ZNG1F: variants seen among roughly 807,000 people sequenced by gnomAD.
The protein encoded by ZNG1F is Zn regulated GTPase metalloprotein activator 1F.
chr9:41,131,750 T>G, the ZNG1F span: 1 of 354,032 alleles, frequency 2.8e-6, no homozygotes, highest in Admixed American at 7.1e-5. Context: ...ACAAACTTGA[T>G]CTTCTTTGAA....
chr9:41,137,271 T>C, the ZNG1F span, among the ~76,000 whole-genome samples: 2 of 149,650 alleles, frequency 1.3e-5, no homozygotes, highest in East Asian at 2.0e-4. Context: ...TCCATGTATC[T>C]GCATGGTTTT....
chr9:41,199,845 G>C, the ZNG1F span, among the ~76,000 whole-genome samples: 1 of 151,420 alleles, frequency 6.6e-6, no homozygotes. Context: ...AGCTGCCAAG[G>C]CTTGGGGCTT....
the ZNG1F span, among the ~76,000 whole-genome samples, chr9:41,196,753 TTA>T: frequency 2.8e-5 from 2 of 72,014 alleles, no homozygotes; most frequent in African/African-American, 6.6e-5. Context: ...TATATAGTAT[TTA>T]TATATAAATT....
At chr9:41,193,488 A>C in the ZNG1F span, among the ~76,000 whole-genome samples, 32 of 149,900 alleles carry the variant, frequency 2.1e-4, 1 homozygote, top group Non-Finnish European at 3.1e-4. Flanking sequence ...CAGGTCCCAA[A>C]ATAGACGAGT....
the ZNG1F span, among the ~76,000 whole-genome samples, chr9:41,166,435 T>TAATA: frequency 1.6e-5 from 1 of 62,080 alleles, no homozygotes; most frequent in Non-Finnish European, 3.7e-5. Flanking sequence ...TAATAATAAT[T>TAATA]ATTATTATAC....
chr9:41,185,598 G>A, the ZNG1F span, among the ~76,000 whole-genome samples: 9 of 149,816 alleles, frequency 6.0e-5, no homozygotes, highest in Admixed American at 2.0e-4. Context: ...ACTTTAACCC[G>A]GGAGACAGAG....
At chr9:41,157,221 G>A in the ZNG1F span, 1 of 146,894 alleles carries the variant, frequency 6.8e-6, no homozygotes, top group Non-Finnish European at 1.5e-5. Flanking sequence ...CAGCACTTTG[G>A]GAGGCCGAGG....
chr9:41,164,934 T>G, the ZNG1F span: 1 of 1,500,130 alleles, frequency 6.7e-7, no homozygotes, highest in Non-Finnish European at 9.1e-7. Flanking sequence ...AGGGCAACAA[T>G]CAGAGTAAAA....
At chr9:41,132,046 A>G in the ZNG1F span, 12 of 1,424,128 alleles carry the variant, frequency 8.4e-6, no homozygotes, top group Non-Finnish European at 1.1e-5. Context: ...AAAATTGAAG[A>G]AGAACAAAAG....
At chr9:41,155,190 CG>C in the ZNG1F span, among the ~76,000 whole-genome samples, 1 of 151,288 alleles carries the variant, frequency 6.6e-6, no homozygotes, top group Non-Finnish European at 1.5e-5. Context: ...AAAAAGTGGG[CG>C]AAGGACATGA....
the ZNG1F span, chr9:41,183,587 G>T: frequency 6.3e-7 from 1 of 1,591,596 alleles, no homozygotes; most frequent in East Asian, 2.3e-5. Flanking sequence ...AGAGGCAACC[G>T]TTTCTAAGTT....
chr9:41,183,529 T>A, the ZNG1F span: 1 of 1,536,190 alleles, frequency 6.5e-7, no homozygotes. Flanking sequence ...TAAACATTTC[T>A]AGTAAACCAT....
the ZNG1F span, among the ~76,000 whole-genome samples, chr9:41,139,965 A>T: frequency 1.3e-5 from 2 of 152,060 alleles, no homozygotes; most frequent in Admixed American, 1.3e-4. Context: ...TCAGAGGGAG[A>T]CGAAAATTGG....
chr9:41,131,419 G>GA, the ZNG1F span: 3 of 53,718 alleles, frequency 5.6e-5, no homozygotes, highest in African/African-American at 1.9e-4. Flanking sequence ...GAAGTTCTAA[G>GA]AAAAAATGAC....
At chr9:41,195,642 C>G in the ZNG1F span, among the ~76,000 whole-genome samples, 8 of 118,918 alleles carry the variant, frequency 6.7e-5, no homozygotes, top group Non-Finnish European at 1.4e-4. Context: ...CTCAAGCTGA[C>G]AAGTTGAGTG....
chr9:41,157,417 T>C, the ZNG1F span: 3 of 139,126 alleles, frequency 2.2e-5, no homozygotes, highest in East Asian at 6.3e-4. Context: ...TGAGCCGAGA[T>C]TGCACCACTG....
the ZNG1F span, among the ~76,000 whole-genome samples, chr9:41,151,345 A>G: frequency 6.7e-6 from 1 of 149,770 alleles, no homozygotes; most frequent in South Asian, 2.1e-4. Flanking sequence ...GAAATATGGG[A>G]CTATGTGAAA....
the ZNG1F span, among the ~76,000 whole-genome samples, chr9:41,148,031 AG>A: frequency 6.9e-6 from 1 of 145,878 alleles, no homozygotes. Flanking sequence ...CTATCTCCCT[AG>A]TAAAGCCAGA....
chr9:41,150,217 C>A, the ZNG1F span, among the ~76,000 whole-genome samples: 1 of 144,694 alleles, frequency 6.9e-6, no homozygotes, highest in South Asian at 2.3e-4. Context: ...TGACAGACTG[C>A]ACCTGTAAGA....
Sources: gnomAD v4.1 joint callset for allele counts (sites outside exome capture counted in the v4.1 genomes callset) on GRCh38, gnomAD v4.1.1 for gene constraint, MANE v1.5 for transcripts, NCBI Gene and HGNC (gene_info 2026-07-23, HGNC 2026-07-21) for gene names.